The following TACC2 variants were observed in gnomAD, a reference collection of about 807,000 sequenced individuals.
The protein encoded by TACC2 is transforming acidic coiled-coil containing protein 2, also known as transforming acidic coiled-coil-containing protein 2.
TACC2 carries 137 observed loss-of-function variants against 227.3 expected under a neutral mutation model. The observed-to-expected ratio is 0.60, with a 90% CI of 0.52 to 0.69. TACC2 has a LOEUF of 0.69. Ranked by LOEUF, TACC2 falls within the 30% of genes least tolerant of loss-of-function variation. The pLI, the probability that TACC2 is intolerant of heterozygous loss-of-function variation, is 0.00. For synonymous variants in TACC2, 1,523 were observed against 1,487.5 expected, an observed-to-expected ratio of 1.02 and a Z score of -0.55; for missense variants, 3,470 against 3,694.4, an observed-to-expected ratio of 0.94 and a Z score of 1.57.
chr10:122,047,288 CAAAAAAAAA>C lies in TACC2; in HGVS notation c.34-3131_34-3123del, dbSNP rs371181114. On this transcript the variant is annotated intron_variant, in intron 2 of 22. Transcript: ENST00000369005. ...TGGGCAACAGAGCGAGACTCCGTCT[CAAAAAAAAA>C]AAAAAAAAAAAAAAAAAAGAATCTT... 8.2e-5 allele frequency among the ~76,000 whole-genome samples: 5 copies of C among 60,880 alleles called. No homozygotes were observed. In the Admixed American group the frequency reaches 8.5e-4, roughly 10 times the overall value. 39.9% of individuals were successfully genotyped at this position (60,880 alleles called of 152,430 possible).
intron 16 of TACC2, among the ~76,000 whole-genome samples, chr10:122,234,093 C>G (rs759913175): frequency 6.6e-6 from 1 of 152,216 alleles, no homozygotes; most frequent in Non-Finnish European, 1.5e-5. Context: ...TGGCATGGCT[C>G]TCCCAGCCTC....
intron 2 of TACC2, among the ~76,000 whole-genome samples, chr10:122,041,834 T>C (rs1329186307): frequency 1.4e-4 from 21 of 152,280 alleles, no homozygotes; most frequent in Admixed American, 1.4e-3. Context: ...CGGTGCTAGT[T>C]TTCACTGGCA....
chr10:122,088,447 T>C (rs781049611), intron 4 of TACC2, 31 bp from the exon 5 acceptor site: 40 of 1,580,168 alleles, frequency 2.5e-5, no homozygotes, highest in Non-Finnish European at 3.2e-5. Flanking sequence ...ATCTACATTA[T>C]CCTATTAATT....
Position 122,084,594 on chromosome 10 carries a change from T to C in TACC2, c.2094T>C (p.Pro698=). 6.2e-7 allele frequency: 1 copy of C among 1,613,874 alleles called. No individual in the cohort carries two copies. Among genetic ancestry groups the C allele is most frequent in the African/African-American group, 1.3e-5 (1 of 75,056 alleles). ...GGTCAGGATTGCAGCCCAAATGTCCTGACACCCTTCAGAGCAGGGAAGGAT... is the reference window on the plus strand; with the variant it reads ...GGTCAGGATTGCAGCCCAAATGTCCCGACACCCTTCAGAGCAGGGAAGGAT... The part of the protein sequence containing the change: ...WEGSGLQPKC[P]DTLQSREGLG... The change falls in exon 4 of 23, where the codon CCT becomes CCC. Residue 698 remains proline, a synonymous_variant. Transcript: ENST00000369005.
At position 122,132,592 on chromosome 10, in the gene TACC2, C is replaced by A. The variant is rs913309826; in HGVS notation, c.5574-17C>A. On this transcript the variant is annotated splice_polypyrimidine_tract_variant and intron_variant, in intron 5 of 22. Coordinates refer to ENST00000369005, the MANE Select transcript of TACC2 (RefSeq NM_206862.4). ...GAATGTTTCTGAGTTTAGGTTCTTT[C>A]CCTTTTCTCTCCCCAGTTCACCTGT... 1 of 1,613,844 alleles carries A rather than the reference C, an allele frequency of 6.2e-7. No individual in the cohort carries two copies. Among genetic ancestry groups the A allele is most frequent in the Non-Finnish European group, 8.5e-7 (1 of 1,179,882 alleles).
chr10:122,175,707 C>A (rs1457150270), intron 7 of TACC2, among the ~76,000 whole-genome samples: 1 of 152,154 alleles, frequency 6.6e-6, no homozygotes, highest in Non-Finnish European at 1.5e-5. Context: ...TCTGAATTGT[C>A]TACAACTCAG....
chr10:122,223,606 G>A (rs767338861), intron 11 of TACC2, among the ~76,000 whole-genome samples: 13 of 152,186 alleles, frequency 8.5e-5, no homozygotes, highest in African/African-American at 1.9e-4. Context: ...ACGTGTTTAA[G>A]TAGTTGAGGT....
Position 122,216,715 on chromosome 10 carries a change from A to G in TACC2, c.7433A>G (p.Asn2478Ser), listed in dbSNP as rs538432507. Residue 2478 changes from asparagine to serine, a missense_variant, in exon 11 of 23, where the codon AAC becomes AGC. This residue lies in a region of TACC2 where 345 missense variants were observed against 354.4 expected (regional missense o/e 0.97). Transcript: ENST00000369005. ...ATDEEKLAVT[N>S]QKWTCMTVDL... ...GATGAGGAAAAGCTGGCGGTCACCA[A>G]CCAGAAGTGGACGTGCATGACAGTG... is the stretch of plus-strand genomic sequence containing the variant. 26 of 1,614,110 alleles carry G rather than the reference A, an allele frequency of 1.6e-5. No homozygotes were observed. Among genetic ancestry groups the G allele is most frequent in the South Asian group, 9.9e-5 (9 of 91,078 alleles).
chr10:122,120,709 G>C (rs2085585461), intron 5 of TACC2, among the ~76,000 whole-genome samples: 1 of 152,036 alleles, frequency 6.6e-6, no homozygotes, highest in African/African-American at 2.4e-5. Flanking sequence ...CATGCTAGGT[G>C]CTCATAAACA....
chr10:122,239,968 G>C (rs980672197), intron 18 of TACC2, among the ~76,000 whole-genome samples: 1 of 152,162 alleles, frequency 6.6e-6, no homozygotes, highest in Non-Finnish European at 1.5e-5. Flanking sequence ...AGAGCAGAAG[G>C]ATTATGAACA....
chr10:122,222,712 T>A (rs948307812), intron 11 of TACC2, among the ~76,000 whole-genome samples: 3 of 152,210 alleles, frequency 2.0e-5, no homozygotes, highest in African/African-American at 7.2e-5. Flanking sequence ...GCGAGCTGGT[T>A]ACCAGAGCCG....
chr10:122,186,456 C>T (rs529002073), intron 7 of TACC2, among the ~76,000 whole-genome samples: 146 of 152,158 alleles, frequency 9.6e-4, no homozygotes, highest in African/African-American at 3.2e-3. Context: ...ACTGTGCCAC[C>T]GTACTCCAGT....
intron 3 of TACC2, among the ~76,000 whole-genome samples, chr10:122,073,329 C>G (rs905866284): frequency 6.6e-6 from 1 of 151,630 alleles, no homozygotes; most frequent in Admixed American, 6.6e-5. Context: ...GACATCCTAC[C>G]TTGGGAAGGT....
chr10:122,211,309 C>T lies in TACC2; in HGVS notation c.6884C>T (p.Ala2295Val), dbSNP rs2095287681. 1 of 1,614,042 alleles carries T rather than the reference C, an allele frequency of 6.2e-7. No homozygotes were observed. Among genetic ancestry groups the T allele is most frequent in the South Asian group, 1.1e-5 (1 of 91,066 alleles). Residue 2295 changes from alanine (A) to valine (V), a missense_variant, in exon 9 of 23, where the codon GCC becomes GTC. Around this residue, in one of 10 missense-constraint regions of TACC2, gnomAD observed 593 missense variants for 636.6 expected, o/e 0.93. Transcript: ENST00000369005. ...PTKKIGKKPV[A>V]KMPLRRPKMK... ...AAAAAGATAGGCAAAAAGCCAGTTGCCAAAATGCCCCTGAGGAGGCCAAAG... is the reference window on the plus strand; with the variant it reads ...AAAAAGATAGGCAAAAAGCCAGTTGTCAAAATGCCCCTGAGGAGGCCAAAG...
At chr10:122,153,946 A>G (rs868513682) in intron 7 of TACC2, among the ~76,000 whole-genome samples, 9 of 152,156 alleles carry the variant, frequency 5.9e-5, no homozygotes, top group Non-Finnish European at 8.8e-5. Context: ...CGGGCCCCCA[A>G]TCACAAAAAT....
chr10:122,009,798 C>T (rs564991002), intron 1 of TACC2, among the ~76,000 whole-genome samples: 10 of 150,948 alleles, frequency 6.6e-5, no homozygotes, highest in South Asian at 6.3e-4. Flanking sequence ...TGGGGGTGCG[C>T]GCCTGTAGTC....
rs537169387 is a variant in TACC2 at position 122,041,441 on chromosome 10, C to CTTTTTTTT, written c.34-8989_34-8982dup. Reference sequence around the variant, plus strand: ...TTCATGACAGCACAGAGTTTCCTTTCTTTTTTTTTTTTTTTCTCGTAACGA... The same window carrying CTTTTTTTT: ...TTCATGACAGCACAGAGTTTCCTTTCTTTTTTTTTTTTTTTTTTTTTTTCTCGTAACGA... On this transcript the variant is annotated intron_variant, in intron 2 of 22. Coordinates refer to ENST00000369005, the MANE Select transcript of TACC2 (RefSeq NM_206862.4). Among the ~76,000 whole-genome samples the CTTTTTTTT allele has an allele frequency of 1.4e-4, 20 of 140,106 alleles. 1 individual carries two copies. Among genetic ancestry groups the CTTTTTTTT allele is most frequent in the South Asian group, 4.4e-4 (2 of 4,510 alleles). The allele number at this position is 140,106 out of a possible 152,430, so 91.9% of individuals were successfully genotyped here.
At position 121,991,904 on chromosome 10, in the gene TACC2, CA is replaced by C. The variant is rs1182341487; in HGVS notation, c.-46+2417del. ...TGGCAGGAGGCAAGGAGGAGCAAGT[CA>C]CATCTTACATGGATGACAGCAGGCA... On this transcript the variant is annotated intron_variant, in intron 1 of 22. Transcript: ENST00000369005. 3.9e-5 allele frequency among the ~76,000 whole-genome samples: 6 copies of C among 152,276 alleles called. No individual in the cohort carries two copies. In the South Asian group the frequency reaches 1.2e-3, roughly 32 times the overall value.
At chr10:122,000,084 G>T (rs1954091211) in intron 1 of TACC2, among the ~76,000 whole-genome samples, 1 of 152,186 alleles carries the variant, frequency 6.6e-6, no homozygotes, top group Non-Finnish European at 1.5e-5. Context: ...GTGCAACGGG[G>T]AAATTCAGTT....
Sources: allele counts gnomAD v4.1 joint callset (sites outside exome capture counted in the v4.1 genomes callset), GRCh38; gene constraint gnomAD v4.1.1; regional missense constraint gnomAD v4.1.1; transcripts MANE v1.5; gene names NCBI Gene and HGNC (gene_info 2026-07-23, HGNC 2026-07-21).